The following C16orf78 variants were observed in gnomAD, a reference collection of about 807,000 sequenced individuals.
C16orf78 encodes the protein chromosome 16 open reading frame 78, also known as uncharacterized protein C16orf78.
Under a neutral mutation model 27.3 loss-of-function variants are expected in C16orf78, and 19 were observed. That is an observed-to-expected ratio of 0.70 (90% confidence interval 0.49 to 1.02). C16orf78 has a LOEUF of 1.02. Ranked by LOEUF, C16orf78 falls within the 50% of genes least tolerant of loss-of-function variation. C16orf78 has a pLI of 0.00. For missense variants in C16orf78, 339 were observed against 337.0 expected (o/e 1.01, Z -0.05); for synonymous variants, 130 against 116.1 (o/e 1.12, Z -0.77).
intron 3 of C16orf78, among the ~76,000 whole-genome samples, chr16:49,381,125 TG>T (rs1965281481): frequency 6.6e-6 from 1 of 152,212 alleles, no homozygotes. Context: ...AGCTGTTTTT[TG>T]GTTCCATATG....
intron 3 of C16orf78, among the ~76,000 whole-genome samples, chr16:49,382,305 C>T (rs914963098): frequency 5.9e-5 from 9 of 152,110 alleles, no homozygotes; most frequent in African/African-American, 2.2e-4. Context: ...AGGAGATATA[C>T]CTAATGCTAG....
At chr16:49,386,578 C>T (rs72776780) in intron 3 of C16orf78, among the ~76,000 whole-genome samples, 13,074 of 152,102 alleles carry the variant, frequency 0.086, 787 homozygotes, top group South Asian at 0.16. Flanking sequence ...AGTCATTTTT[C>T]CTGATCCTCT....
At chr16:49,380,104 T>C (rs1463503188) in intron 3 of C16orf78, among the ~76,000 whole-genome samples, 1 of 152,234 alleles carries the variant, frequency 6.6e-6, no homozygotes, top group Non-Finnish European at 1.5e-5. Flanking sequence ...GACACTTGAC[T>C]CTATATCAGT....
At chr16:49,376,285 C>T (rs990926766) in intron 1 of C16orf78, among the ~76,000 whole-genome samples, 3 of 152,222 alleles carry the variant, frequency 2.0e-5, no homozygotes, top group African/African-American at 7.2e-5. Context: ...CAGCGAAGAC[C>T]CCTGAGGTCT....
chr16:49,378,273 G>A (rs1965244899), intron 2 of C16orf78, among the ~76,000 whole-genome samples, 197 bp from the exon 3 acceptor site: 1 of 152,198 alleles, frequency 6.6e-6, no homozygotes, highest in African/African-American at 2.4e-5. Context: ...GGGGAGAAGA[G>A]GGAGGCGTTG....
At chr16:49,385,786 CAA>C (rs1002457730) in intron 3 of C16orf78, among the ~76,000 whole-genome samples, 1 of 151,168 alleles carries the variant, frequency 6.6e-6, no homozygotes, top group African/African-American at 2.4e-5. Flanking sequence ...AAGAAGACAT[CAA>C]GAGAGAAAAA....
chr16:49,377,317 G>A (rs574521347), intron 1 of C16orf78, among the ~76,000 whole-genome samples: 1 of 152,302 alleles, frequency 6.6e-6, no homozygotes, highest in East Asian at 1.9e-4. Context: ...AAGGCCCAGA[G>A]GTCTGGATCA....
intron 3 of C16orf78, among the ~76,000 whole-genome samples, chr16:49,395,621 A>C (rs992229740): frequency 2.0e-5 from 3 of 152,230 alleles, no homozygotes; most frequent in Non-Finnish European, 2.9e-5. Flanking sequence ...TTTGGGTCAC[A>C]TCAGACACTT....
intron 3 of C16orf78, among the ~76,000 whole-genome samples, chr16:49,379,245 G>A (rs577215180): frequency 3.1e-4 from 47 of 152,244 alleles, no homozygotes; most frequent in Non-Finnish European, 4.9e-4. Flanking sequence ...CCAAGAGGAG[G>A]TGCTGAATAA....
intron 3 of C16orf78, 76 bp downstream of exon 3, chr16:49,378,669 A>C: frequency 3.6e-4 from 578 of 1,587,244 alleles, no homozygotes; most frequent in Non-Finnish European, 4.5e-4. Flanking sequence ...CCGAAAGCTC[A>C]CGCCATTCTT....
chr16:49,392,716 T>C (rs192868644), intron 3 of C16orf78, among the ~76,000 whole-genome samples: 1 of 152,200 alleles, frequency 6.6e-6, no homozygotes, highest in Admixed American at 6.5e-5. Context: ...TTTTAGGTTC[T>C]AGGAGTACAT....
intron 1 of C16orf78, among the ~76,000 whole-genome samples, chr16:49,375,294 T>G (rs950497234): frequency 6.6e-6 from 1 of 152,078 alleles, no homozygotes; most frequent in Non-Finnish European, 1.5e-5. Context: ...ATTCTCATAC[T>G]GCTACAAAGA....
intron 3 of C16orf78, among the ~76,000 whole-genome samples, chr16:49,385,120 T>C (rs1965332133): frequency 6.6e-6 from 1 of 152,208 alleles, no homozygotes; most frequent in African/African-American, 2.4e-5. Context: ...TAAAGATACA[T>C]ATATAGTCAA....
At chr16:49,383,412 G>T (rs1255843321) in intron 3 of C16orf78, among the ~76,000 whole-genome samples, 1 of 152,154 alleles carries the variant, frequency 6.6e-6, no homozygotes, top group African/African-American at 2.4e-5. Context: ...AGCACATCCC[G>T]ATTGCATTAC....
chr16:49,380,038 C>T (rs1965268597), intron 3 of C16orf78, among the ~76,000 whole-genome samples: 1 of 152,202 alleles, frequency 6.6e-6, no homozygotes, highest in Non-Finnish European at 1.5e-5. Flanking sequence ...TCGTCTTTCT[C>T]CTGTGCTGGA....
At chr16:49,378,737 A>C in intron 3 of C16orf78, 144 bp downstream of exon 3, 1 of 1,273,260 alleles carries the variant, frequency 7.9e-7, no homozygotes, top group Non-Finnish European at 1.1e-6. Flanking sequence ...AGAAGCCCAC[A>C]TGGAGGCTCA....
At chr16:49,395,927 TA>T (rs1965466600) in intron 3 of C16orf78, among the ~76,000 whole-genome samples, 1 of 150,314 alleles carries the variant, frequency 6.7e-6, no homozygotes, top group Admixed American at 6.6e-5. Context: ...GAGGGAGGGG[TA>T]AAAGGATTGA....
intron 3 of C16orf78, 97 bp downstream of exon 3, chr16:49,378,690 C>T (rs1038623647): frequency 1.4e-5 from 22 of 1,532,922 alleles, no homozygotes; most frequent in South Asian, 9.6e-5. Flanking sequence ...AGAGCAGTAG[C>T]GTCCACGTCA....
chr16:49,388,741 T>A (rs1965378297), intron 3 of C16orf78, among the ~76,000 whole-genome samples: 1 of 152,200 alleles, frequency 6.6e-6, no homozygotes, highest in East Asian at 1.9e-4. Context: ...CTTAAACTCC[T>A]GAGCTCAAGC....
Sources: gnomAD v4.1 joint callset for allele counts (sites outside exome capture counted in the v4.1 genomes callset) on GRCh38, gnomAD v4.1.1 for gene constraint, MANE v1.5 for transcripts, NCBI Gene and HGNC (gene_info 2026-07-23, HGNC 2026-07-21) for gene names.